CDYL2: variants seen among roughly 807,000 people sequenced by gnomAD.
CDYL2 encodes the protein chromodomain Y-like protein 2.
In CDYL2, 23 loss-of-function variants were observed where a neutral mutation model predicts 49.4. The ratio of observed to expected loss-of-function variants is 0.47; its 90% confidence interval spans 0.34 to 0.66. CDYL2 has a LOEUF of 0.66. Ranked by LOEUF, CDYL2 falls within the 30% of genes least tolerant of loss-of-function variation. CDYL2 has a pLI of 0.01. For missense variants in CDYL2, 678 were observed against 656.4 expected, an observed-to-expected ratio of 1.03 and a Z score of -0.36; for synonymous variants, 360 against 268.8, an observed-to-expected ratio of 1.34 and a Z score of -3.32.
At chr16:80,682,264 G>A (rs1909996312) in intron 2 of CDYL2, among the ~76,000 whole-genome samples, 1 of 152,204 alleles carries the variant, frequency 6.6e-6, no homozygotes, top group Non-Finnish European at 1.5e-5. Context: ...AGTGGGAGTA[G>A]AGAACACACA....
chr16:80,734,091 C>A lies in CDYL2; in HGVS notation c.25-48962G>T, dbSNP rs369101928. Among the ~76,000 whole-genome samples, 4 of 152,246 alleles carry A rather than the reference C, an allele frequency of 2.6e-5. No individual in the cohort carries two copies. In the East Asian group the frequency reaches 7.7e-4, roughly 29 times the overall value. ...CAAGGAATTTAGTAATACCAAGACC[C>A]CATACTTCCTTTAGATACTTGGATG... is the stretch of plus-strand genomic sequence containing the variant. On this transcript the variant is annotated intron_variant, in intron 1 of 6. Coordinates refer to ENST00000570137, the MANE Select transcript of CDYL2 (RefSeq NM_152342.4).
In CDYL2 at chr16:80,602,585, A is replaced by C. The variant is rs1030117001; in HGVS notation, c.*1803T>G. 3 of 152,290 alleles carry C rather than the reference A, an allele frequency of 2.0e-5. No homozygotes were observed. The highest frequency in any genetic ancestry group is 4.4e-5 in the Non-Finnish European group (3 of 68,144). 9.4% of individuals were successfully genotyped at this position (152,290 alleles called of 1,614,324 possible). A position where few individuals can be genotyped will look rare whatever the true frequency, so the allele number is the denominator to read the frequency against. ...CCCAGTGCACCTGATTGCCAGGAAA[A>C]GATAAAGGACCACAGAGAGTTAGAG... On this transcript the variant is annotated 3_prime_UTR_variant, in exon 7 of 7. Transcript: ENST00000570137.
chr16:80,660,456 A>ATACAATC (rs1285141192), intron 2 of CDYL2, among the ~76,000 whole-genome samples: 5 of 152,132 alleles, frequency 3.3e-5, no homozygotes, highest in African/African-American at 1.2e-4. Context: ...AAGTTTAAAA[A>ATACAATC]TACAATCTAC....
chr16:80,740,052 G>C (rs1419594713), intron 1 of CDYL2, among the ~76,000 whole-genome samples: 1 of 152,162 alleles, frequency 6.6e-6, no homozygotes, highest in African/African-American at 2.4e-5. Context: ...GGTGCAGAGA[G>C]AAATTACAGA....
chr16:80,795,345 G>T (rs151333540), intron 1 of CDYL2, among the ~76,000 whole-genome samples: 1 of 152,186 alleles, frequency 6.6e-6, no homozygotes, highest in African/African-American at 2.4e-5. Flanking sequence ...AATGACTGGA[G>T]TCAAGTGGGA....
intron 1 of CDYL2, among the ~76,000 whole-genome samples, chr16:80,711,367 C>A (rs1904590002): frequency 6.6e-6 from 1 of 152,212 alleles, no homozygotes; most frequent in Admixed American, 6.5e-5. Context: ...GGCAGGGAAG[C>A]AGACGTTGAC....
At chr16:80,661,673 T>C (rs114505410) in intron 2 of CDYL2, among the ~76,000 whole-genome samples, 2,163 of 152,260 alleles carry the variant, frequency 0.014, 49 homozygotes, top group African/African-American at 0.048. Context: ...CTGATGGATG[T>C]TCTGCTTTTG....
chr16:80,673,970 C>G (rs1475665137), intron 2 of CDYL2, among the ~76,000 whole-genome samples: 1 of 152,136 alleles, frequency 6.6e-6, no homozygotes, highest in African/African-American at 2.4e-5. Flanking sequence ...CCTCTGGAAG[C>G]TGGAAAAGGC....
chr16:80,798,619 G>A (rs1017482453), intron 1 of CDYL2, among the ~76,000 whole-genome samples: 1 of 152,206 alleles, frequency 6.6e-6, no homozygotes, highest in South Asian at 2.1e-4. Flanking sequence ...TTCATCAACT[G>A]TTTATGTTAT....
intron 1 of CDYL2, among the ~76,000 whole-genome samples, chr16:80,747,932 T>A (rs1356552805): frequency 6.6e-6 from 1 of 151,922 alleles, no homozygotes; most frequent in Non-Finnish European, 1.5e-5. Context: ...CTTTCCTGAA[T>A]TCTCAGGCAG....
At chr16:80,761,585 C>T (rs1234127831) in intron 1 of CDYL2, among the ~76,000 whole-genome samples, 2 of 152,092 alleles carry the variant, frequency 1.3e-5, no homozygotes, top group African/African-American at 4.8e-5. Flanking sequence ...GGAGCCTTTT[C>T]AACACATCAT....
intron 1 of CDYL2, among the ~76,000 whole-genome samples, chr16:80,732,438 AAC>A (rs946587297): frequency 5.9e-5 from 9 of 152,306 alleles, no homozygotes; most frequent in African/African-American, 1.9e-4. Flanking sequence ...TACGGAAAAA[AAC>A]ACAGTGTCCC....
intron 1 of CDYL2, among the ~76,000 whole-genome samples, chr16:80,787,172 C>CTTT (rs1907464524): frequency 1.3e-5 from 2 of 152,018 alleles, no homozygotes; most frequent in African/African-American, 4.8e-5. Context: ...GAGGATATGC[C>CTTT]GGGAGTCTAG....
rs1296152999 is a variant in CDYL2 at position 80,646,895 on chromosome 16, A to G, written c.617-13659T>C. On this transcript the variant is annotated intron_variant, in intron 2 of 6. Coordinates refer to ENST00000570137, the MANE Select transcript of CDYL2 (RefSeq NM_152342.4). ...CGCCTTTAAAGACAAATAGACTGAA[A>G]AAAAAAAAGGATGGAAAAAGATATT... 2.6e-5 allele frequency among the ~76,000 whole-genome samples: 4 copies of G among 152,010 alleles called. No individual in the cohort carries two copies. In the South Asian group the frequency reaches 8.3e-4, roughly 32 times the overall value.
chr16:80,679,805 T>A, intron 2 of CDYL2: 1 of 455,846 alleles, frequency 2.2e-6, no homozygotes, highest in Non-Finnish European at 4.4e-6. Context: ...AGAGCAGTAG[T>A]TCTGAAACTG....
intron 1 of CDYL2, among the ~76,000 whole-genome samples, chr16:80,771,461 C>T (rs528973767): frequency 7.9e-5 from 12 of 152,294 alleles, no homozygotes; most frequent in Non-Finnish European, 1.3e-4. Flanking sequence ...CCCAGCACTT[C>T]GGGAGGCCGA....
intron 1 of CDYL2, among the ~76,000 whole-genome samples, chr16:80,723,810 G>C (rs1278010522): frequency 6.6e-6 from 1 of 152,102 alleles, no homozygotes; most frequent in Non-Finnish European, 1.5e-5. Flanking sequence ...TTGGTAGAAA[G>C]TCTGCCAATT....
intron 1 of CDYL2, among the ~76,000 whole-genome samples, chr16:80,777,436 T>G (rs1907124390): frequency 6.6e-6 from 1 of 150,406 alleles, no homozygotes; most frequent in African/African-American, 2.5e-5. Context: ...AAAATTGATT[T>G]TACAGAAAAA....
chr16:80,655,127 C>T (rs1245125019), intron 2 of CDYL2, among the ~76,000 whole-genome samples: 1 of 152,182 alleles, frequency 6.6e-6, no homozygotes, highest in East Asian at 1.9e-4. Flanking sequence ...CAGGCCAGGC[C>T]TTTTCTGAGC....
Sources: gnomAD v4.1 joint callset for allele counts (sites outside exome capture counted in the v4.1 genomes callset) on GRCh38, gnomAD v4.1.1 for gene constraint, MANE v1.5 for transcripts, NCBI Gene and HGNC (gene_info 2026-07-23, HGNC 2026-07-21) for gene names.